Variants in DUSP5 observed in about 807,000 individuals in gnomAD.
DUSP5 encodes dual specificity protein phosphatase 5.
In DUSP5, 22 loss-of-function variants were observed where a neutral mutation model predicts 33.6. The ratio of observed to expected loss-of-function variants is 0.66; its 90% CI spans 0.47 to 0.94. The LOEUF is 0.94. DUSP5 is among the 40% of genes least tolerant of loss of function. The pLI is 0.00. For synonymous variants in DUSP5, 270 were observed against 231.1 expected, an observed-to-expected ratio of 1.17 and a Z score of -1.53; for missense variants, 551 against 522.1, an observed-to-expected ratio of 1.06 and a Z score of -0.54.
At chr10:110,500,132 TTAGA>T (rs1302189821) in intron 1 of DUSP5, among the ~76,000 whole-genome samples, 1 of 152,234 alleles carries the variant, frequency 6.6e-6, no homozygotes, top group Non-Finnish European at 1.5e-5. Context: ...TTGTTTACCT[TTAGA>T]TAGTTTTTCA....
rs1010410809 is a variant in DUSP5 at position 110,511,407 on chromosome 10, G to C, written c.*981G>C. On this transcript the variant is annotated 3_prime_UTR_variant, in exon 4 of 4. Transcript: ENST00000369583. ...TACTACTTTTTTTTTCTTTTTGTCTGTTAGTTATTTCTCCAGGGGAAAAGG... is the reference window on the plus strand; with the variant it reads ...TACTACTTTTTTTTTCTTTTTGTCTCTTAGTTATTTCTCCAGGGGAAAAGG... 6.6e-6 allele frequency: 1 copy of C among 152,412 alleles called. No individual in the cohort carries two copies. The highest frequency in any genetic ancestry group is 6.5e-5 in the Admixed American group (1 of 15,272). 9.4% of individuals were successfully genotyped at this position (152,412 alleles called of 1,614,324 possible).
chr10:110,497,977 G>C lies in DUSP5; in HGVS notation c.-145G>C, dbSNP rs1859976203. 1.6e-5 allele frequency: 9 copies of C among 558,834 alleles called. No homozygotes were observed. Among genetic ancestry groups the C allele is most frequent in the Non-Finnish European group, 2.0e-5 (9 of 441,192 alleles). 34.6% of individuals were successfully genotyped at this position (558,834 alleles called of 1,614,324 possible). ...GGCGGGAACGCGGAGTTGCGCCGCC[G>C]CTCGGGCGCCGGGCTCCGTCGCGGC... is the stretch of plus-strand genomic sequence containing the variant. On this transcript the variant is annotated 5_prime_UTR_variant, in exon 1 of 4. Coordinates refer to ENST00000369583, the MANE Select transcript of DUSP5 (RefSeq NM_004419.4).
Position 110,498,518 on chromosome 10 carries a change from C to A in DUSP5, c.379+18C>A. The A allele has an allele frequency of 6.8e-7, 1 of 1,468,376 alleles. No individual in the cohort carries two copies. Among genetic ancestry groups the A allele is most frequent in the East Asian group, 2.8e-5 (1 of 36,240 alleles). The allele number at this position is 1,468,376 out of a possible 1,614,324, so 91.0% of individuals were successfully genotyped here. ...CCTCAAAGGTGAGCGCTCGGGGTCCCTGCCACGCTCGCCCCTCCGGCGCCC... is the reference window on the plus strand; with the variant it reads ...CCTCAAAGGTGAGCGCTCGGGGTCCATGCCACGCTCGCCCCTCCGGCGCCC... On this transcript the variant is annotated intron_variant, in intron 1 of 3. Coordinates refer to ENST00000369583, the MANE Select transcript of DUSP5 (RefSeq NM_004419.4).
At chr10:110,499,722 C>T (rs910061758) in intron 1 of DUSP5, among the ~76,000 whole-genome samples, 1 of 152,246 alleles carries the variant, frequency 6.6e-6, no homozygotes, top group African/African-American at 2.4e-5. Flanking sequence ...TTCTAACAGC[C>T]TATCCCCCAG....
intron 1 of DUSP5, among the ~76,000 whole-genome samples, chr10:110,499,074 C>T (rs1340290521): frequency 6.6e-6 from 1 of 152,138 alleles, no homozygotes; most frequent in Non-Finnish European, 1.5e-5. Context: ...GGTCTTTTCT[C>T]TAGCTCAGTT....
Position 110,510,744 on chromosome 10 carries a change from T to G in DUSP5, c.*318T>G. On this transcript the variant is annotated 3_prime_UTR_variant, in exon 4 of 4. Transcript: ENST00000369583. Reference sequence around the variant, plus strand: ...TTCATTTCAAGCATAAGGCAATAAATACCTGCAGCAACGTGGGAGAAAGAA... The same window carrying G: ...TTCATTTCAAGCATAAGGCAATAAAGACCTGCAGCAACGTGGGAGAAAGAA... The G allele has an allele frequency of 7.7e-6, 2 of 261,374 alleles. No homozygotes were observed. Among genetic ancestry groups the G allele is most frequent in the East Asian group, 6.9e-5 (1 of 14,410 alleles). 16.2% of individuals were successfully genotyped at this position (261,374 alleles called of 1,614,324 possible).
chr10:110,498,035 CCCGCGGACACCCTGG>C lies in DUSP5; in HGVS notation c.-83_-69del, dbSNP rs1223525629. ...CCGCGGGTCGCCCTCCCGTGCCTCG[CCCGCGGACACCCTGG>C]CCGTGGACACCCTGGCCGTGGGCAC... On this transcript the variant is annotated 5_prime_UTR_variant, in exon 1 of 4. Transcript: ENST00000369583. The C allele has an allele frequency of 2.7e-5, 28 of 1,025,008 alleles. No individual in the cohort carries two copies. Among genetic ancestry groups the C allele is most frequent in the Non-Finnish European group, 3.3e-5 (28 of 854,568 alleles). 63.5% of individuals were successfully genotyped at this position (1,025,008 alleles called of 1,614,324 possible). A position where few individuals can be genotyped will look rare whatever the true frequency, so the allele number is the denominator to read the frequency against.
At chr10:110,502,633 C>T (rs1029208834) in intron 1 of DUSP5, 88 bp from the exon 2 acceptor site, 2 of 1,482,186 alleles carry the variant, frequency 1.3e-6, no homozygotes, top group Middle Eastern at 1.8e-4. Flanking sequence ...CTGTGTAACA[C>T]TCAGAGTATT....
chr10:110,505,781 C>T (rs541138341), intron 2 of DUSP5, among the ~76,000 whole-genome samples: 2 of 152,324 alleles, frequency 1.3e-5, no homozygotes, highest in Admixed American at 1.3e-4. Context: ...CTTCAGAGCC[C>T]TGTAAATGCT....
intron 2 of DUSP5, among the ~76,000 whole-genome samples, chr10:110,504,813 C>T (rs901105509): frequency 4.6e-5 from 7 of 152,190 alleles, no homozygotes; most frequent in East Asian, 1.9e-4. Flanking sequence ...AGCTATGTGA[C>T]GTGCCAGGTT....
rs763062919 is a variant in DUSP5 at position 110,510,458 on chromosome 10, G to A, written c.*32G>A. ...GATGGAGGAATCGGCCCAGCCCCAAGAGCAACTGTGATTTTTGTTTTTAAG... is the reference window on the plus strand; with the variant it reads ...GATGGAGGAATCGGCCCAGCCCCAAAAGCAACTGTGATTTTTGTTTTTAAG... On this transcript the variant is annotated 3_prime_UTR_variant, in exon 4 of 4. Coordinates refer to ENST00000369583, the MANE Select transcript of DUSP5 (RefSeq NM_004419.4). 18 of 1,505,470 alleles carry A rather than the reference G, an allele frequency of 1.2e-5. No individual in the cohort carries two copies. The highest frequency in any genetic ancestry group is 1.6e-5 in the Non-Finnish European group (18 of 1,124,552). 93.3% of individuals were successfully genotyped at this position (1,505,470 alleles called of 1,614,324 possible). A position where few individuals can be genotyped will look rare whatever the true frequency, so the allele number is the denominator to read the frequency against.
Position 110,506,979 on chromosome 10 carries a change from C to T in DUSP5, c.573C>T (p.Ala191=), listed in dbSNP as rs1860125796. The change falls in exon 3 of 4, where the codon GCC becomes GCT. Residue 191 remains alanine, a synonymous_variant. Transcript: ENST00000369583. ...EILPFLYLGS[A]YHASKCEFLA... The stretch of plus-strand genomic sequence containing the variant: ...TTCCCTTCCTCTACCTTGGAAGTGC[C>T]TACCATGCATCCAAGTGCGAGTTCC... 3 of 1,614,158 alleles carry T rather than the reference C, an allele frequency of 1.9e-6. No individual in the cohort carries two copies. The highest frequency in any genetic ancestry group is 2.7e-5 in the African/African-American group (2 of 74,950).
At chr10:110,506,026 G>A (rs1860114411) in intron 2 of DUSP5, among the ~76,000 whole-genome samples, 1 of 152,132 alleles carries the variant, frequency 6.6e-6, no homozygotes, top group Admixed American at 6.5e-5. Context: ...AGTAGGTAGT[G>A]GTTATTTTCA....
At chr10:110,499,792 C>T (rs868685439) in intron 1 of DUSP5, among the ~76,000 whole-genome samples, 1 of 152,178 alleles carries the variant, frequency 6.6e-6, no homozygotes, top group Non-Finnish European at 1.5e-5. Context: ...TGATTTCTTT[C>T]TCTTCCTAAT....
In DUSP5 at chr10:110,510,097, G is replaced by A. The variant is rs746938026; in HGVS notation, c.826G>A (p.Ala276Thr). 2.5e-6 allele frequency: 4 copies of A among 1,614,016 alleles called. No individual in the cohort carries two copies. Among genetic ancestry groups the A allele is most frequent in the Non-Finnish European group, 2.5e-6 (3 of 1,180,030 alleles). The part of the protein sequence containing the change: ...GISRSPTICM[A>T]YLMKTKQFRL... Reference sequence around the variant, plus strand: ...CTCCCGTTCACCCACCATCTGCATGGCTTACCTTATGAAGACCAAGCAGTT... The same window carrying A: ...CTCCCGTTCACCCACCATCTGCATGACTTACCTTATGAAGACCAAGCAGTT... The change falls in exon 4 of 4, where the codon GCT becomes ACT. Residue 276 changes from alanine to threonine, a missense_variant. Transcript: ENST00000369583.
chr10:110,499,132 C>T (rs1344120321), intron 1 of DUSP5, among the ~76,000 whole-genome samples: 4 of 152,134 alleles, frequency 2.6e-5, no homozygotes, highest in Non-Finnish European at 5.9e-5. Context: ...TTCCTCCGCC[C>T]CAGGATTATC....
intron 2 of DUSP5, chr10:110,503,573 G>A (rs952429465): frequency 6.6e-6 from 1 of 152,224 alleles, no homozygotes; most frequent in African/African-American, 2.4e-5. Context: ...GGGTTACGTA[G>A]CACCATCCAG....
chr10:110,509,521 C>T (rs1005323368), intron 3 of DUSP5, among the ~76,000 whole-genome samples: 3 of 152,204 alleles, frequency 2.0e-5, no homozygotes, highest in Non-Finnish European at 4.4e-5. Flanking sequence ...GGTTGTTACC[C>T]TTAGAATCAG....
intron 1 of DUSP5, among the ~76,000 whole-genome samples, chr10:110,501,531 C>G (rs1860048814): frequency 6.6e-6 from 1 of 152,096 alleles, no homozygotes; most frequent in Admixed American, 6.5e-5. Context: ...TTGTCTACTG[C>G]AGGGCTTTAA....
Sources: gnomAD v4.1 joint callset for allele counts (sites outside exome capture counted in the v4.1 genomes callset) on GRCh38, gnomAD v4.1.1 for gene constraint, MANE v1.5 for transcripts, NCBI Gene and HGNC (gene_info 2026-07-23, HGNC 2026-07-21) for gene names.